The following DOP1A variants were observed in gnomAD, a reference collection of about 807,000 sequenced individuals.
The protein encoded by DOP1A is protein DOP1A.
A neutral mutation model predicts 267.6 loss-of-function variants in DOP1A; 90 were observed. The observed-to-expected ratio is 0.34, with a 90% CI of 0.28 to 0.40. The LOEUF (loss-of-function observed/expected upper bound fraction) is 0.40, where lower values mean the gene tolerates loss of function less well. DOP1A is among the 10% of genes least tolerant of loss of function. The pLI, the probability that DOP1A is intolerant of heterozygous loss-of-function variation, is 1.00. For synonymous variants in DOP1A, 932 were observed against 999.1 expected, an observed-to-expected ratio of 0.93 and a Z score of 1.27; for missense variants, 2,437 against 2,900.4, an observed-to-expected ratio of 0.84 and a Z score of 3.67.
In DOP1A at chr6:83,077,842, C is replaced by T. The variant is rs1767386247; in HGVS notation, c.-147+10063C>T. Among the ~76,000 whole-genome samples, 3 of 152,216 alleles carry T rather than the reference C, an allele frequency of 2.0e-5. No homozygotes were observed. The South Asian group carries it at 6.2e-4, about 31-fold the overall frequency. ...TGTCTCAGGCCACACATAAAATACACTAACACTTAACTATAGCTGATAAGC... is the reference window on the plus strand; with the variant it reads ...TGTCTCAGGCCACACATAAAATACATTAACACTTAACTATAGCTGATAAGC... On this transcript the variant is annotated intron_variant, in intron 1 of 38. Transcript: ENST00000349129.
chr6:83,094,142 C>T (rs1771011798), intron 1 of DOP1A, among the ~76,000 whole-genome samples: 2 of 152,092 alleles, frequency 1.3e-5, no homozygotes. Flanking sequence ...CTATTCCTGT[C>T]ATTTCATATA....
intron 1 of DOP1A, among the ~76,000 whole-genome samples, chr6:83,074,892 C>T (rs1387662655): frequency 6.6e-6 from 1 of 152,152 alleles, no homozygotes; most frequent in Non-Finnish European, 1.5e-5. Context: ...GAATACATTT[C>T]AACTTACGGT....
Position 83,138,994 on chromosome 6 carries a change from A to C in DOP1A, c.4952A>C (p.His1651Pro), listed in dbSNP as rs761361329. 6.2e-7 allele frequency: 1 copy of C among 1,613,996 alleles called. No individual in the cohort carries two copies. Among genetic ancestry groups the C allele is most frequent in the Non-Finnish European group, 8.5e-7 (1 of 1,179,970 alleles). ...GCAGTGATACGAGCTTTGCATCAGC[A>C]CTGTGCATGTAAGATGCACCCACAA... ...LCAVIRALHQ[H>P]CACKMHPQWI... The change falls in exon 21 of 39, where the codon CAC becomes CCC. Residue 1651 changes from histidine to proline, a missense_variant. Physicochemically the swap from His to Pro is moderately conservative, Grantham distance 77 (BLOSUM62 -2). This residue lies in a region of DOP1A where 307 missense variants were observed against 308.6 expected (regional missense o/e 0.99). Transcript: ENST00000349129.
Position 83,138,006 on chromosome 6 carries a change from A to C in DOP1A, c.3964A>C (p.Ser1322Arg). The C allele has an allele frequency of 6.2e-7, 1 of 1,607,488 alleles. No individual in the cohort carries two copies. The highest frequency in any genetic ancestry group is 1.3e-5 in the African/African-American group (1 of 74,448). The change falls in exon 21 of 39, where the codon AGT becomes CGT. Residue 1322 changes from serine (S) to arginine (R), a missense_variant. Physicochemically the swap from Ser to Arg is moderately radical, Grantham distance 110. Coordinates refer to ENST00000349129, the MANE Select transcript of DOP1A (RefSeq NM_015018.4). ...TTCAAATGAAAAACTCAAACAAACC[A>C]GTGTATTCTTCAGTGATGGTCTGGA... is the stretch of plus-strand genomic sequence containing the variant. ...KSSNEKLKQTSVFFSDGLDLE... is the reference protein window; with the variant it reads ...KSSNEKLKQTRVFFSDGLDLE...
chr6:83,119,861 A>T lies in DOP1A; in HGVS notation c.990+4A>T. 6.2e-7 allele frequency: 1 copy of T among 1,603,752 alleles called. No individual in the cohort carries two copies. Among genetic ancestry groups the T allele is most frequent in the Non-Finnish European group, 8.5e-7 (1 of 1,171,244 alleles). ...TTCAAAAGAATTATTAGTCCAGGTA[A>T]TGAATACTTTTATTATTCTTTGGTT... On this transcript the variant is annotated splice_donor_region_variant and intron_variant, in intron 9 of 38. Transcript: ENST00000349129.
rs1779751215 is a variant in DOP1A, at chr6:83,142,142, T to C, written c.5541+96T>C. ...TATATTGCAGTGGGGCCGGGGTAGA[T>C]TCGAGTGTAAAGCAAAAGTCTGTCG... is the stretch of plus-strand genomic sequence containing the variant. On this transcript the variant is annotated intron_variant, in intron 24 of 38. Coordinates refer to ENST00000349129, the MANE Select transcript of DOP1A (RefSeq NM_015018.4). The C allele has an allele frequency of 2.1e-6, 3 of 1,434,182 alleles. No homozygotes were observed. The South Asian group carries it at 3.9e-5, about 19-fold the overall frequency. The allele number at this position is 1,434,182 out of a possible 1,614,324, so 88.8% of individuals were successfully genotyped here.
chr6:83,154,802 AAG>A (rs1250118965), intron 33 of DOP1A, among the ~76,000 whole-genome samples: 37 of 152,328 alleles, frequency 2.4e-4, no homozygotes, highest in African/African-American at 7.7e-4. Flanking sequence ...TCTGAAAAAA[AAG>A]AGTTTTAAAA....
Position 83,138,627 on chromosome 6 carries a change from C to G in DOP1A, c.4585C>G (p.Leu1529Val), listed in dbSNP as rs1235472009. 1.9e-6 allele frequency: 3 copies of G among 1,613,720 alleles called. No homozygotes were observed. Among genetic ancestry groups the G allele is most frequent in the Non-Finnish European group, 1.7e-6 (2 of 1,179,922 alleles). Residue 1529 changes from leucine to valine, a missense_variant, in exon 21 of 39, where the codon CTT becomes GTT. Transcript: ENST00000349129. ...LSKCKVQKVI[L>V]HCLLSSIFSA... ...TAAGTGCAAAGTTCAGAAAGTGATT[C>G]TTCATTGTTTGCTGTCATCTATCTT...
At chr6:83,160,825 A>G (rs917887092) in intron 37 of DOP1A, among the ~76,000 whole-genome samples, 5 of 152,292 alleles carry the variant, frequency 3.3e-5, no homozygotes, top group African/African-American at 1.2e-4. Context: ...GATAAAGAGT[A>G]TGCTACTGAG....
rs544650087 is a variant in DOP1A, at chr6:83,141,808, T to C, written c.5416-113T>C. 7 of 1,006,846 alleles carry C rather than the reference T, an allele frequency of 7.0e-6. No individual in the cohort carries two copies. The African/African-American group carries it at 8.3e-5, about 12-fold the overall frequency. The allele number at this position is 1,006,846 out of a possible 1,614,324, so 62.4% of individuals were successfully genotyped here. On this transcript the variant is annotated intron_variant, in intron 23 of 38. Transcript: ENST00000349129. Reference sequence around the variant, plus strand: ...AAAGTTTCCTCTAGTGTTATTTAGATAGTAAAACCTATAAGTACTATATTA... The same window carrying C: ...AAAGTTTCCTCTAGTGTTATTTAGACAGTAAAACCTATAAGTACTATATTA...
rs144192177 is a variant in DOP1A, at chr6:83,129,404, C to T, written c.2237C>T (p.Ala746Val). ...KQKTSKEYLS[A>V]FLAACQLFLE... ...AAAACTTCTAAAGAATACCTGTCTGCCTTCCTTGCTGCCTGTCAGCTCTTC... is the reference window on the plus strand; with the variant it reads ...AAAACTTCTAAAGAATACCTGTCTGTCTTCCTTGCTGCCTGTCAGCTCTTC... Residue 746 changes from alanine to valine, a missense_variant, in exon 16 of 39, where the codon GCC becomes GTC. Transcript: ENST00000349129. The T allele has an allele frequency of 6.1e-5, 99 of 1,611,270 alleles. No homozygotes were observed. Among genetic ancestry groups the T allele is most frequent in the Non-Finnish European group, 8.3e-5 (98 of 1,179,084 alleles).
chr6:83,121,083 A>T (rs1009026798), intron 10 of DOP1A, among the ~76,000 whole-genome samples: 1 of 151,824 alleles, frequency 6.6e-6, no homozygotes, highest in Non-Finnish European at 1.5e-5. Flanking sequence ...TTAATCCATC[A>T]TGAGCAATTT....
chr6:83,125,836 A>T, intron 15 of DOP1A, 103 bp downstream of exon 15: 3 of 1,007,120 alleles, frequency 3.0e-6, no homozygotes, highest in Non-Finnish European at 4.3e-6. Flanking sequence ...AATAATAGTG[A>T]GTCTTTCCTA....
chr6:83,130,052 TGAAA>T, intron 16 of DOP1A, 67 bp from the exon 17 acceptor site: 3 of 1,538,798 alleles, frequency 1.9e-6, no homozygotes, highest in Admixed American at 1.9e-5. Flanking sequence ...CTTTGTTTTT[TGAAA>T]TTAACTTAGA....
chr6:83,099,660 G>T (rs1336130875), intron 3 of DOP1A, among the ~76,000 whole-genome samples: 2 of 151,582 alleles, frequency 1.3e-5, no homozygotes, highest in African/African-American at 4.9e-5. Context: ...AATTGTGATA[G>T]AACAAGGCAA....
Position 83,168,435 on chromosome 6 carries a change from T to G in DOP1A, c.*268T>G. On this transcript the variant is annotated 3_prime_UTR_variant, in exon 39 of 39. Transcript: ENST00000349129. ...TTGTTTTTATTGTCCTGAGTTGTCT[T>G]AAACCTGCAAAATATACACTACCCA... is the stretch of plus-strand genomic sequence containing the variant. 8.9e-7 allele frequency: 1 copy of G among 1,125,070 alleles called. No homozygotes were observed. Among genetic ancestry groups the G allele is most frequent in the Non-Finnish European group, 1.1e-6 (1 of 919,710 alleles). 69.7% of individuals were successfully genotyped at this position (1,125,070 alleles called of 1,614,324 possible).
chr6:83,163,427 T>C (rs934774004), intron 38 of DOP1A, among the ~76,000 whole-genome samples: 1 of 152,172 alleles, frequency 6.6e-6, no homozygotes, highest in Admixed American at 6.5e-5. Context: ...AGATTATACA[T>C]TTTAAATTTG....
intron 3 of DOP1A, among the ~76,000 whole-genome samples, chr6:83,099,857 C>T (rs1221119555): frequency 6.6e-6 from 1 of 151,936 alleles, no homozygotes; most frequent in East Asian, 1.9e-4. Context: ...TTGCACTAAC[C>T]TATTATTTCA....
downstream of DOP1A, chr6:83,168,905 G>A (rs1786456643): frequency 9.3e-7 from 1 of 1,072,304 alleles, no homozygotes. Context: ...GATATCACAA[G>A]GAGTTGGTAA....
Sources: gnomAD v4.1 joint callset for allele counts (sites outside exome capture counted in the v4.1 genomes callset) on GRCh38, gnomAD v4.1.1 for gene constraint, gnomAD v4.1.1 regional missense constraint, MANE v1.5 for transcripts, NCBI Gene and HGNC (gene_info 2026-07-23, HGNC 2026-07-21) for gene names.